SLC25A21: variants seen among roughly 807,000 people sequenced by gnomAD.
The protein encoded by SLC25A21 is solute carrier family 25 member 21.
In SLC25A21, 47 loss-of-function variants were observed where a neutral mutation model predicts 43.8. The observed-to-expected ratio is 1.07, with a 90% CI of 0.85 to 1.37. SLC25A21 has a LOEUF of 1.37. SLC25A21 is among the 40% of genes most tolerant of loss of function. The probability of loss-of-function intolerance (pLI) is 0.00; values close to 1 mark genes in which losing one functional copy is unlikely to be tolerated. For missense variants in SLC25A21, 352 were observed against 350.2 expected (o/e 1.00, Z -0.04); for synonymous variants, 131 against 121.3 (o/e 1.08, Z -0.52).
At chr14:36,780,313 T>C (rs1887006622) in intron 3 of SLC25A21, among the ~76,000 whole-genome samples, 1 of 152,052 alleles carries the variant, frequency 6.6e-6, no homozygotes, top group Admixed American at 6.6e-5. Context: ...TCTATTGTTT[T>C]TTCATCTCTT....
chr14:36,999,640 C>G (rs756942250), intron 1 of SLC25A21, among the ~76,000 whole-genome samples: 2 of 152,092 alleles, frequency 1.3e-5, no homozygotes, highest in Non-Finnish European at 2.9e-5. Context: ...AATTTCTGTA[C>G]CTTCTCTTGA....
chr14:36,686,850 A>G (rs894515683), intron 7 of SLC25A21, among the ~76,000 whole-genome samples: 1 of 152,218 alleles, frequency 6.6e-6, no homozygotes, highest in Non-Finnish European at 1.5e-5. Context: ...AAGAGACTCA[A>G]TGATGGTCAT....
intron 5 of SLC25A21, 36 bp downstream of exon 5, chr14:36,729,471 C>T (rs773243633): frequency 6.1e-6 from 9 of 1,470,256 alleles, no homozygotes; most frequent in African/African-American, 1.4e-5. Context: ...TATGAAATAA[C>T]ACACACATTT....
rs527672533 is a variant in SLC25A21 at position 36,695,487 on chromosome 14, T to C, written c.604-10562A>G. 2.0e-5 allele frequency among the ~76,000 whole-genome samples: 3 copies of C among 152,238 alleles called. No individual in the cohort carries two copies. In the South Asian group the frequency reaches 6.2e-4, roughly 31 times the overall value. Reference sequence around the variant, plus strand: ...CTTGATGGGGATGGCATTGAATCTATAAATTACTTTGGGCAGTATGGCCAT... The same window carrying C: ...CTTGATGGGGATGGCATTGAATCTACAAATTACTTTGGGCAGTATGGCCAT... On this transcript the variant is annotated intron_variant, in intron 7 of 9. Transcript: ENST00000331299.
chr14:36,989,653 G>T (rs1960220964), intron 1 of SLC25A21, among the ~76,000 whole-genome samples: 1 of 151,996 alleles, frequency 6.6e-6, no homozygotes, highest in South Asian at 2.1e-4. Flanking sequence ...TGCCTGGCTG[G>T]TTTTTACTCA....
intron 1 of SLC25A21, among the ~76,000 whole-genome samples, chr14:37,121,470 GT>G (rs1310307121): frequency 6.6e-6 from 1 of 152,170 alleles, no homozygotes; most frequent in Non-Finnish European, 1.5e-5. Context: ...CATATAATTT[GT>G]TTTTGTTTTT....
In SLC25A21 at chr14:37,089,393, T is replaced by C. The variant is rs115487823; in HGVS notation, c.70+82888A>G. On this transcript the variant is annotated intron_variant, in intron 1 of 9. Transcript: ENST00000331299. ...AAGTTACATCCTAAGTTTAAGACCA[T>C]GTCACCGTGTAACCCAGCAAATATG... is the stretch of plus-strand genomic sequence containing the variant. 2.3e-3 allele frequency among the ~76,000 whole-genome samples: 351 copies of C among 152,336 alleles called. 3 individuals carry two copies. Among genetic ancestry groups the C allele is most frequent in the African/African-American group, 8.3e-3 (347 of 41,572 alleles).
chr14:36,895,717 T>C (rs9672023), intron 1 of SLC25A21, among the ~76,000 whole-genome samples: 29,006 of 151,868 alleles, frequency 0.19, 4,016 homozygotes, highest in East Asian at 0.42. Flanking sequence ...TTGAATGTGT[T>C]CCAGAGATTC....
In SLC25A21 at chr14:36,679,978, A is replaced by G. The variant is rs1882138087; in HGVS notation, c.*680T>C. On this transcript the variant is annotated 3_prime_UTR_variant, in exon 10 of 10. Coordinates refer to ENST00000331299, the MANE Select transcript of SLC25A21 (RefSeq NM_030631.4). ...CAACAGTGTTTTAACATTCTGTTTT[A>G]AACAATGTTTTAAAATACCTATTTA... 2 of 851,218 alleles carry G rather than the reference A, an allele frequency of 2.3e-6. No individual in the cohort carries two copies. Among genetic ancestry groups the G allele is most frequent in the Non-Finnish European group, 2.8e-6 (2 of 723,526 alleles). 52.7% of individuals were successfully genotyped at this position (851,218 alleles called of 1,614,324 possible).
chr14:36,711,102 C>G (rs746140117), intron 7 of SLC25A21, among the ~76,000 whole-genome samples: 1 of 152,284 alleles, frequency 6.6e-6, no homozygotes, highest in East Asian at 1.9e-4. Context: ...ACTTTACTGT[C>G]TACTATGTGA....
At chr14:36,718,039 A>T (rs910155159) in intron 6 of SLC25A21, among the ~76,000 whole-genome samples, 1 of 152,132 alleles carries the variant, frequency 6.6e-6, no homozygotes, top group African/African-American at 2.4e-5. Context: ...ATAATTTACA[A>T]AATTATATTA....
chr14:36,835,467 G>A (rs1034107946), intron 2 of SLC25A21, among the ~76,000 whole-genome samples: 2 of 152,136 alleles, frequency 1.3e-5, no homozygotes, highest in African/African-American at 4.8e-5. Flanking sequence ...GACACACAAG[G>A]CATTTTATCT....
intron 1 of SLC25A21, among the ~76,000 whole-genome samples, chr14:37,034,358 G>A (rs776076708): frequency 2.0e-5 from 3 of 152,154 alleles, no homozygotes; most frequent in Admixed American, 6.5e-5. Flanking sequence ...CCACTATAAA[G>A]GATGAAACTC....
intron 3 of SLC25A21, among the ~76,000 whole-genome samples, chr14:36,801,043 T>C (rs1887853358): frequency 6.6e-6 from 1 of 152,172 alleles, no homozygotes; most frequent in Admixed American, 6.5e-5. Flanking sequence ...AATTTACTTA[T>C]GCTTTGTCCC....
At chr14:37,053,362 CA>C (rs1371349151) in intron 1 of SLC25A21, among the ~76,000 whole-genome samples, 1 of 152,086 alleles carries the variant, frequency 6.6e-6, no homozygotes, top group Admixed American at 6.5e-5. Flanking sequence ...TTCATGCAAT[CA>C]AAATTACTAG....
At chr14:37,030,173 A>C (rs544713056) in intron 1 of SLC25A21, among the ~76,000 whole-genome samples, 1 of 152,278 alleles carries the variant, frequency 6.6e-6, no homozygotes, top group East Asian at 1.9e-4. Context: ...AAATCATAAG[A>C]AAGAGAAAAT....
At chr14:37,153,859 C>T (rs564361334) in intron 1 of SLC25A21, among the ~76,000 whole-genome samples, 1 of 152,294 alleles carries the variant, frequency 6.6e-6, no homozygotes, top group Non-Finnish European at 1.5e-5. Context: ...TATCTGCAAG[C>T]CCCACCTGCA....
chr14:36,837,359 C>G (rs1889243319), intron 2 of SLC25A21, among the ~76,000 whole-genome samples: 2 of 151,988 alleles, frequency 1.3e-5, no homozygotes, highest in South Asian at 4.2e-4. Context: ...GCCTGCCGAA[C>G]AGTGCAGAGG....
chr14:37,087,741 G>A (rs1962512396), intron 1 of SLC25A21, among the ~76,000 whole-genome samples: 1 of 152,210 alleles, frequency 6.6e-6, no homozygotes, highest in South Asian at 2.1e-4. Flanking sequence ...AGACAACCAT[G>A]AGTGAGTCTG....
Sources: gnomAD v4.1 joint callset for allele counts (sites outside exome capture counted in the v4.1 genomes callset) on GRCh38, gnomAD v4.1.1 for gene constraint, MANE v1.5 for transcripts, NCBI Gene and HGNC (gene_info 2026-07-23, HGNC 2026-07-21) for gene names.